TRPC3: variants seen among roughly 807,000 people sequenced by gnomAD.
TRPC3 encodes short transient receptor potential channel 3.
A neutral mutation model predicts 90.9 loss-of-function variants in TRPC3; 54 were observed. The ratio of observed to expected loss-of-function variants is 0.59; its 90% CI spans 0.48 to 0.75. The LOEUF (loss-of-function observed/expected upper bound fraction) is 0.75, where lower values mean the gene tolerates loss of function less well. Among genes scored for constraint, TRPC3 ranks in the 30% least tolerant of loss-of-function variants. The pLI, the probability that TRPC3 is intolerant of heterozygous loss-of-function variation, is 0.00. For missense variants in TRPC3, 918 were observed against 1,194.5 expected (o/e 0.77, Z 3.41); for synonymous variants, 424 against 450.9 (o/e 0.94, Z 0.75).
chr4:121,941,235 G>A (rs1428060677), intron 1 of TRPC3, among the ~76,000 whole-genome samples: 1 of 152,146 alleles, frequency 6.6e-6, no homozygotes, highest in Non-Finnish European at 1.5e-5. Context: ...CATTATTACG[G>A]AAGTCACCTC....
chr4:121,906,000 C>G (rs1432712571), intron 7 of TRPC3, among the ~76,000 whole-genome samples: 1 of 152,016 alleles, frequency 6.6e-6, no homozygotes, highest in Non-Finnish European at 1.5e-5. Context: ...CCTTGCTGCC[C>G]CTAGCTTCTC....
At chr4:121,918,276 T>C (rs534236255) in intron 3 of TRPC3, among the ~76,000 whole-genome samples, 1 of 152,170 alleles carries the variant, frequency 6.6e-6, no homozygotes, top group Non-Finnish European at 1.5e-5. Flanking sequence ...GACAAGAAAG[T>C]TTTGTTCTTA....
intron 10 of TRPC3, among the ~76,000 whole-genome samples, chr4:121,888,415 A>AT (rs1728206552): frequency 6.6e-6 from 1 of 152,218 alleles, no homozygotes; most frequent in Admixed American, 6.5e-5. Flanking sequence ...AAAATGAAAC[A>AT]TTTTTTGAGT....
chr4:121,944,124 A>G (rs2149153713), intron 1 of TRPC3, among the ~76,000 whole-genome samples: 1 of 152,270 alleles, frequency 6.6e-6, no homozygotes, highest in African/African-American at 2.4e-5. Context: ...CACCCAGCAC[A>G]GCCCACTAAC....
rs201449154 is a variant in TRPC3 at position 121,902,931 on chromosome 4, C to T, written c.2384G>A (p.Arg795Gln). The T allele has an allele frequency of 3.8e-5, 61 of 1,613,312 alleles. No homozygotes were observed. The East Asian group carries it at 5.1e-4, about 14-fold the overall frequency. Reference sequence around the variant, plus strand: ...TCTGCATTTGGGAAAGTTAACAATTCGCATGATGAAATAAACAAATGATTT... The same window carrying T: ...TCTGCATTTGGGAAAGTTAACAATTTGCATGATGAAATAAACAAATGATTT... ...SPKSFVYFIM[R>Q]IVNFPKCRRR... The change falls in exon 9 of 12, where the codon CGA becomes CAA. Residue 795 changes from arginine (R) to glutamine (Q), a missense_variant. Coordinates refer to ENST00000379645, the MANE Select transcript of TRPC3 (RefSeq NM_001130698.2).
intron 2 of TRPC3, chr4:121,930,867 A>T (rs1729887866): frequency 5.2e-6 from 2 of 384,718 alleles, no homozygotes; most frequent in Non-Finnish European, 4.9e-6. Context: ...TTTGGGTCCA[A>T]GTAAATAAAT....
At chr4:121,934,496 A>G (rs953911022) in intron 1 of TRPC3, among the ~76,000 whole-genome samples, 29 of 152,374 alleles carry the variant, frequency 1.9e-4, no homozygotes, top group Admixed American at 1.0e-3. Flanking sequence ...AGTACCAGAT[A>G]AAGCTTCCAC....
intron 9 of TRPC3, 31 bp downstream of exon 9, chr4:121,902,821 T>C (rs202247532): frequency 1.5e-5 from 22 of 1,480,756 alleles, no homozygotes; most frequent in Non-Finnish European, 1.9e-5. Flanking sequence ...GAACATTTAT[T>C]TTAAGGTCTT....
intron 3 of TRPC3, among the ~76,000 whole-genome samples, chr4:121,921,388 G>A (rs1729499826): frequency 6.6e-6 from 1 of 150,712 alleles, no homozygotes; most frequent in African/African-American, 2.4e-5. Flanking sequence ...CGGGCGTAGT[G>A]GCGGGCGCCT....
rs184419115 is a variant in TRPC3, at chr4:121,920,019, T to C, written c.1176+4999A>G. On this transcript the variant is annotated intron_variant, in intron 3 of 11. Coordinates refer to ENST00000379645, the MANE Select transcript of TRPC3 (RefSeq NM_001130698.2). ...GAGTCAGAATTAGAACTCAAGACTT[T>C]TGGTGGGGGGCAAATAGTCCATTAT... is the stretch of plus-strand genomic sequence containing the variant. Among the ~76,000 whole-genome samples the C allele has an allele frequency of 1.3e-3, 202 of 151,750 alleles. 1 individual carries two copies. The highest frequency in any genetic ancestry group is 4.7e-3 in the African/African-American group (195 of 41,344).
In TRPC3 at chr4:121,911,990, T is replaced by G. The variant is rs767435026; in HGVS notation, c.1445A>C (p.Glu482Ala). 18 of 1,613,782 alleles carry G rather than the reference T, an allele frequency of 1.1e-5. No homozygotes were observed. The African/African-American group carries it at 2.1e-4, about 19-fold the overall frequency. ...LLVFNASDRF[E>A]GITTLPNITV... Reference sequence around the variant, plus strand: ...GATATTGGGCAGCGTGGTGATGCCTTCGAACCTGTCTGAGGCATTGAACAC... The same window carrying G: ...GATATTGGGCAGCGTGGTGATGCCTGCGAACCTGTCTGAGGCATTGAACAC... The change falls in exon 5 of 12, where the codon GAA (glutamate) becomes GCA (alanine). Residue 482 changes from glutamate to alanine, a missense_variant. Glu to Ala is a moderately radical substitution (Grantham distance 107). This residue lies in a region of TRPC3 where 609 missense variants were observed against 725.9 expected (regional missense o/e 0.84). Coordinates refer to ENST00000379645, the MANE Select transcript of TRPC3 (RefSeq NM_001130698.2).
At chr4:121,883,436 T>C (rs1422790885) in intron 10 of TRPC3, among the ~76,000 whole-genome samples, 1 of 152,016 alleles carries the variant, frequency 6.6e-6, no homozygotes, top group Non-Finnish European at 1.5e-5. Context: ...TTTAATTCAA[T>C]AAGAAAAACT....
intron 1 of TRPC3, among the ~76,000 whole-genome samples, chr4:121,939,996 A>G (rs778653592): frequency 2.0e-5 from 3 of 152,166 alleles, no homozygotes; most frequent in Non-Finnish European, 4.4e-5. Flanking sequence ...TATCCAAATA[A>G]ACATTTACTT....
rs541476457 is a variant in TRPC3 at position 121,927,116 on chromosome 4, G to A, written c.988-1910C>T. ...GAAGAAGAGAAATATATCACTGTAT[G>A]TAACTGAATTCTCAAGGGTTACAGA... On this transcript the variant is annotated intron_variant, in intron 2 of 11. Coordinates refer to ENST00000379645, the MANE Select transcript of TRPC3 (RefSeq NM_001130698.2). 9.2e-5 allele frequency among the ~76,000 whole-genome samples: 14 copies of A among 152,296 alleles called. No individual in the cohort carries two copies. The East Asian group carries it at 2.7e-3, about 29-fold the overall frequency.
intron 9 of TRPC3, among the ~76,000 whole-genome samples, chr4:121,900,934 T>C (rs1728678834): frequency 6.6e-6 from 1 of 152,216 alleles, no homozygotes; most frequent in Admixed American, 6.5e-5. Flanking sequence ...AATGGTACGA[T>C]ACAGGCAGGA....
intron 7 of TRPC3, 128 bp downstream of exon 7, chr4:121,907,175 G>C: frequency 1.1e-6 from 1 of 920,986 alleles, no homozygotes; most frequent in East Asian, 2.5e-5. Flanking sequence ...AGCACTAACT[G>C]TTTTTGATGG....
chr4:121,892,923 C>A (rs1179376911), intron 10 of TRPC3, among the ~76,000 whole-genome samples: 6 of 151,848 alleles, frequency 4.0e-5, no homozygotes, highest in African/African-American at 1.5e-4. Flanking sequence ...GAGTTCAAGA[C>A]CAGCCTGGTC....
intron 10 of TRPC3, among the ~76,000 whole-genome samples, chr4:121,890,082 T>C (rs553444327): frequency 6.6e-6 from 1 of 152,342 alleles, no homozygotes; most frequent in East Asian, 1.9e-4. Flanking sequence ...AAATATCATA[T>C]GATCTCACTC....
chr4:121,888,633 G>T (rs1019544303), intron 10 of TRPC3, among the ~76,000 whole-genome samples: 1 of 151,442 alleles, frequency 6.6e-6, no homozygotes, highest in Non-Finnish European at 1.5e-5. Context: ...TTGACCTCAG[G>T]TGATCCACCC....
Sources: gnomAD v4.1 joint callset for allele counts (sites outside exome capture counted in the v4.1 genomes callset) on GRCh38, gnomAD v4.1.1 for gene constraint, gnomAD v4.1.1 regional missense constraint, MANE v1.5 for transcripts, NCBI Gene and HGNC (gene_info 2026-07-23, HGNC 2026-07-21) for gene names.